Variants in SPMIP2 observed in about 807,000 individuals in gnomAD.
SPMIP2 encodes the protein protein SPMIP2.
chr4:158,976,697 G>A, the SPMIP2 span, among the ~76,000 whole-genome samples: 3 of 114,612 alleles, frequency 2.6e-5, no homozygotes, highest in African/African-American at 1.0e-4. Flanking sequence ...ACAGAGTCTC[G>A]CTCTGTCACC....
chr4:158,899,237 G>A, the SPMIP2 span, among the ~76,000 whole-genome samples: 4 of 152,136 alleles, frequency 2.6e-5, no homozygotes, highest in South Asian at 6.2e-4. Context: ...ATGTGCTGCT[G>A]GATTCAGTTT....
chr4:158,997,671 G>C, the SPMIP2 span, among the ~76,000 whole-genome samples: 1 of 152,002 alleles, frequency 6.6e-6, no homozygotes, highest in Non-Finnish European at 1.5e-5. Flanking sequence ...TTATTGTTTA[G>C]AGACAGGGTC....
At chr4:159,072,272 C>T in the SPMIP2 span, among the ~76,000 whole-genome samples, 15 of 152,050 alleles carry the variant, frequency 9.9e-5, no homozygotes, top group Non-Finnish European at 1.9e-4. Context: ...TGTGATTGCA[C>T]CACTCACTCC....
chr4:159,038,311 T>A, the SPMIP2 span, among the ~76,000 whole-genome samples: 3 of 152,210 alleles, frequency 2.0e-5, no homozygotes, highest in Non-Finnish European at 4.4e-5. Context: ...ACAGACTATG[T>A]GGTCAAACTT....
chr4:159,052,697 G>A, the SPMIP2 span, among the ~76,000 whole-genome samples: 2 of 151,050 alleles, frequency 1.3e-5, no homozygotes, highest in Admixed American at 6.6e-5. Context: ...GCAATGGTGC[G>A]ATCTCGGCTC....
At chr4:159,017,310 A>T in the SPMIP2 span, among the ~76,000 whole-genome samples, 1 of 151,798 alleles carries the variant, frequency 6.6e-6, no homozygotes, top group Non-Finnish European at 1.5e-5. Flanking sequence ...TCAAACTTGT[A>T]AGTTAGTGCC....
At chr4:158,936,135 T>C in the SPMIP2 span, among the ~76,000 whole-genome samples, 7 of 152,232 alleles carry the variant, frequency 4.6e-5, no homozygotes, top group African/African-American at 1.7e-4. Context: ...ATTCTTCTCT[T>C]TGGCATTCTG....
the SPMIP2 span, among the ~76,000 whole-genome samples, chr4:158,896,728 C>A: frequency 6.6e-6 from 1 of 150,450 alleles, no homozygotes; most frequent in Admixed American, 6.6e-5. Context: ...GTATTTCCCC[C>A]TTATGAGGTG....
the SPMIP2 span, among the ~76,000 whole-genome samples, chr4:159,006,359 G>T: frequency 6.6e-6 from 1 of 152,114 alleles, no homozygotes; most frequent in African/African-American, 2.4e-5. Context: ...CCATGTTTAC[G>T]CGAGATGAAA....
chr4:159,014,152 A>G, the SPMIP2 span, among the ~76,000 whole-genome samples: 4,046 of 152,332 alleles, frequency 0.027, 193 homozygotes, highest in African/African-American at 0.092. Flanking sequence ...TAAACCATTC[A>G]TGTTTTAATA....
At chr4:159,053,848 G>GGA in the SPMIP2 span, among the ~76,000 whole-genome samples, 2 of 151,826 alleles carry the variant, frequency 1.3e-5, no homozygotes, top group African/African-American at 4.8e-5. Context: ...CAGCACTTTG[G>GGA]GAGGCTGAGG....
At chr4:159,016,740 C>T in the SPMIP2 span, among the ~76,000 whole-genome samples, 1 of 152,150 alleles carries the variant, frequency 6.6e-6, no homozygotes, top group African/African-American at 2.4e-5. Flanking sequence ...TGACAGCAGC[C>T]TGCCCCCCAC....
chr4:159,033,853 G>GA, the SPMIP2 span, among the ~76,000 whole-genome samples: 3 of 151,976 alleles, frequency 2.0e-5, no homozygotes, highest in Admixed American at 6.6e-5. Context: ...TGGAAAAAAA[G>GA]AAAAAAAGGC....
At chr4:159,023,367 G>A in the SPMIP2 span, among the ~76,000 whole-genome samples, 2 of 152,114 alleles carry the variant, frequency 1.3e-5, no homozygotes, top group African/African-American at 4.8e-5. Flanking sequence ...GTTTGGAGTG[G>A]AACTGTACCA....
the SPMIP2 span, chr4:158,960,447 G>T: frequency 1.6e-6 from 1 of 639,246 alleles, no homozygotes; most frequent in South Asian, 2.2e-5. Context: ...GTTGGGAAAT[G>T]AAATAGAAAA....
chr4:159,053,262 T>C, the SPMIP2 span, among the ~76,000 whole-genome samples: 1 of 152,162 alleles, frequency 6.6e-6, no homozygotes, highest in African/African-American at 2.4e-5. Context: ...GGCCGACTAT[T>C]ATTTTTTAAA....
At chr4:159,021,385 C>G in the SPMIP2 span, among the ~76,000 whole-genome samples, 59 of 152,280 alleles carry the variant, frequency 3.9e-4, no homozygotes, top group Non-Finnish European at 5.7e-4. Context: ...TTTTCAGTGT[C>G]CCGCATTGAT....
At chr4:159,007,187 A>C in the SPMIP2 span, 2 of 1,177,768 alleles carry the variant, frequency 1.7e-6, no homozygotes, top group African/African-American at 1.5e-5. Context: ...TTCAGGCAGA[A>C]TCTTTTCCAG....
chr4:159,027,834 C>G, the SPMIP2 span, among the ~76,000 whole-genome samples: 1 of 152,202 alleles, frequency 6.6e-6, no homozygotes, highest in African/African-American at 2.4e-5. Context: ...CATTTATGTG[C>G]TTCTCCGACC....
Sources: allele counts gnomAD v4.1 joint callset (sites outside exome capture counted in the v4.1 genomes callset), GRCh38; gene constraint gnomAD v4.1.1; transcripts MANE v1.5; gene names NCBI Gene and HGNC (gene_info 2026-07-23, HGNC 2026-07-21).